MACF1: variants seen among roughly 807,000 people sequenced by gnomAD.
The protein encoded by MACF1 is microtubule actin crosslinking factor 1, also known as microtubule-actin cross-linking factor 1.
Under a neutral mutation model 854.8 loss-of-function variants are expected in MACF1, and 193 were observed. That is an observed-to-expected ratio of 0.23 (90% CI 0.20 to 0.25). The LOEUF (loss-of-function observed/expected upper bound fraction) is 0.25. Ranked by LOEUF, MACF1 falls within the 10% of genes least tolerant of loss-of-function variation. MACF1 has a pLI of 1.00. For missense variants in MACF1, 7,722 were observed against 8,929.1 expected, an observed-to-expected ratio of 0.86 and a Z score of 5.45; for synonymous variants, 3,185 against 3,226.7, an observed-to-expected ratio of 0.99 and a Z score of 0.44.
At chr1:39,229,203 A>G (rs1644751542) in intron 1 of MACF1, among the ~76,000 whole-genome samples, 1 of 152,196 alleles carries the variant, frequency 6.6e-6, no homozygotes, top group South Asian at 2.1e-4. Flanking sequence ...ATTAGACTAT[A>G]TAATTTCTAA....
At position 39,477,077 on chromosome 1, in the gene MACF1, A is replaced by ACACTTAGTG. The variant is rs1183082119; in HGVS notation, c.21959-2721_21959-2720insCACTTAGTG. On this transcript the variant is annotated intron_variant, in intron 97 of 100. Transcript: ENST00000564288. ...TATATATATATATATATATATATAT[A>ACACTTAGTG]TATATATATATATACACACACACAC... Among the ~76,000 whole-genome samples the ACACTTAGTG allele has an allele frequency of 9.9e-3, 190 of 19,212 alleles. 6 individuals carry two copies. The highest frequency in any genetic ancestry group is 0.032 in the East Asian group (17 of 528). 12.6% of individuals were successfully genotyped at this position (19,212 alleles called of 152,430 possible).
chr1:39,374,788 C>G (rs1649566976), intron 52 of MACF1, among the ~76,000 whole-genome samples: 1 of 152,038 alleles, frequency 6.6e-6, no homozygotes, highest in Non-Finnish European at 1.5e-5. Context: ...ACAGAAATCT[C>G]ATATAGAACC....
chr1:39,337,923 C>T (rs1490347156), intron 38 of MACF1, among the ~76,000 whole-genome samples: 2 of 152,112 alleles, frequency 1.3e-5, no homozygotes, highest in African/African-American at 4.8e-5. Flanking sequence ...GCGCCTGCCG[C>T]CACGCCCAGC....
At chr1:39,400,979 G>A (rs1225343901) in intron 58 of MACF1, among the ~76,000 whole-genome samples, 1 of 152,166 alleles carries the variant, frequency 6.6e-6, no homozygotes, top group Non-Finnish European at 1.5e-5. Flanking sequence ...ACAAGTGGAT[G>A]GATAGAGAGC....
At chr1:39,359,805 C>T (rs111917059) in intron 47 of MACF1, among the ~76,000 whole-genome samples, 2 of 149,980 alleles carry the variant, frequency 1.3e-5, no homozygotes, top group Non-Finnish European at 3.0e-5. Flanking sequence ...CCCGTCTCTA[C>T]TAAAAATACA....
chr1:39,411,309 T>G (rs1642990235), intron 58 of MACF1: 1 of 1,614,034 alleles, frequency 6.2e-7, no homozygotes, highest in Non-Finnish European at 8.5e-7. Context: ...AAAAGACTTT[T>G]CTGATGGCAG....
At chr1:39,428,898 C>G (rs1204906987) in intron 63 of MACF1, among the ~76,000 whole-genome samples, 1 of 152,142 alleles carries the variant, frequency 6.6e-6, no homozygotes, top group Non-Finnish European at 1.5e-5. Context: ...AATTTCTTCT[C>G]TTGAACTTTC....
chr1:39,386,404 A>G (rs1015696639), intron 57 of MACF1, among the ~76,000 whole-genome samples: 8 of 146,304 alleles, frequency 5.5e-5, no homozygotes, highest in Non-Finnish European at 1.2e-4. Context: ...GGGACTATAG[A>G]CACACGCCAC....
At chr1:39,444,858 T>C (rs1644192092) in intron 80 of MACF1, 23 bp downstream of exon 80, 2 of 1,547,434 alleles carry the variant, frequency 1.3e-6, no homozygotes, top group Non-Finnish European at 1.8e-6. Context: ...ATCCCCATGT[T>C]TGAGTAATTT....
At chr1:39,461,700 G>T (rs148241719) in intron 92 of MACF1, among the ~76,000 whole-genome samples, 183 bp from the exon 93 acceptor site, 2 of 149,852 alleles carry the variant, frequency 1.3e-5, no homozygotes, top group Admixed American at 6.7e-5. Flanking sequence ...GCTGAGGCAG[G>T]AGAATCACTT....
Position 39,358,881 on chromosome 1 carries a change from A to G in MACF1, c.12120+8A>G, listed in dbSNP as rs1460709173. Reference sequence around the variant, plus strand: ...CAGCTTGCAACAACAAAGGTAAGTCAGGACACAGGCTGTGTTGTGGTGTCA... The same window carrying G: ...CAGCTTGCAACAACAAAGGTAAGTCGGGACACAGGCTGTGTTGTGGTGTCA... On this transcript the variant is annotated splice_region_variant and intron_variant, in intron 46 of 100. Transcript: ENST00000564288. 1 of 1,603,894 alleles carries G rather than the reference A, an allele frequency of 6.2e-7. No individual in the cohort carries two copies. Among genetic ancestry groups the G allele is most frequent in the Non-Finnish European group, 8.5e-7 (1 of 1,176,672 alleles).
intron 2 of MACF1, among the ~76,000 whole-genome samples, chr1:39,189,815 G>T (rs1157451927): frequency 6.6e-6 from 1 of 152,116 alleles, no homozygotes; most frequent in African/African-American, 2.4e-5. Flanking sequence ...AAGACTATCT[G>T]TATACATATT....
At position 39,228,803 on chromosome 1, in the gene MACF1, G is replaced by A. The variant is rs186575061; in HGVS notation, c.110-2379G>A. ...CGAGTAGCTGGGATTGCAGGCATGC[G>A]CCACCATGTCCAGCTAATTTTTGTA... On this transcript the variant is annotated intron_variant, in intron 1 of 100. Coordinates refer to ENST00000564288, the MANE Select transcript of MACF1 (RefSeq NM_001394062.1). 1.9e-3 allele frequency among the ~76,000 whole-genome samples: 285 copies of A among 152,210 alleles called. 2 individuals are homozygous for A. Among genetic ancestry groups the A allele is most frequent in the African/African-American group, 6.6e-3 (275 of 41,536 alleles).
At chr1:39,437,628 C>G (rs780558852) in intron 70 of MACF1, 149 bp from the exon 71 acceptor site, 2 of 729,480 alleles carry the variant, frequency 2.7e-6, no homozygotes, top group Non-Finnish European at 4.8e-6. Flanking sequence ...AGTTTCTTAA[C>G]CAAACTCAAC....
chr1:39,373,097 G>A (rs935036703), intron 52 of MACF1: 1 of 166,886 alleles, frequency 6.0e-6, no homozygotes, highest in South Asian at 1.6e-4. Context: ...ACGAAGTCAG[G>A]AGATTGAGAC....
At chr1:39,161,314 C>T (rs1183842276) in intron 2 of MACF1, among the ~76,000 whole-genome samples, 3 of 152,050 alleles carry the variant, frequency 2.0e-5, no homozygotes, top group Non-Finnish European at 4.4e-5. Flanking sequence ...ATTAGGGAAG[C>T]AGAGAGGTAG....
chr1:39,136,679 A>T (rs1409529324), intron 2 of MACF1, among the ~76,000 whole-genome samples: 2 of 152,196 alleles, frequency 1.3e-5, no homozygotes, highest in African/African-American at 4.8e-5. Context: ...GGATGATTTT[A>T]TGCTGTCAGC....
At position 39,333,346 on chromosome 1, in the gene MACF1, G is replaced by A. The variant is rs758287017; in HGVS notation, c.6758G>A (p.Ser2253Asn). ...GAAGCACAGAACATCGCAGGTGGTAGTATGATGATGTCAGAAAAGACCGAT... is the reference window on the plus strand; with the variant it reads ...GAAGCACAGAACATCGCAGGTGGTAATATGATGATGTCAGAAAAGACCGAT... ...SQEAQNIAGG[S>N]MMMSEKTDEE... Residue 2253 changes from serine (S) to asparagine (N), a missense_variant, in exon 37 of 101, where the codon AGT (serine) becomes AAT (asparagine). Physicochemically the swap from Ser to Asn is conservative, Grantham distance 46. Transcript: ENST00000564288. 11 of 1,614,144 alleles carry A rather than the reference G, an allele frequency of 6.8e-6. No homozygotes were observed. The highest frequency in any genetic ancestry group is 3.3e-5 in the South Asian group (3 of 91,066).
At chr1:39,210,199 T>G (rs1644499406) in intron 1 of MACF1, among the ~76,000 whole-genome samples, 1 of 152,198 alleles carries the variant, frequency 6.6e-6, no homozygotes, top group Admixed American at 6.5e-5. Flanking sequence ...AATTCTTCCA[T>G]TTATGGCAAT....
Sources: allele counts gnomAD v4.1 joint callset (sites outside exome capture counted in the v4.1 genomes callset), GRCh38; gene constraint gnomAD v4.1.1; transcripts MANE v1.5; gene names NCBI Gene and HGNC (gene_info 2026-07-23, HGNC 2026-07-21).